The following EOGT variants were observed in gnomAD, a reference collection of about 807,000 sequenced individuals.
EOGT encodes the protein EGF domain-specific O-linked N-acetylglucosamine transferase.
In EOGT, 55 loss-of-function variants were observed where a neutral mutation model predicts 70.5. That is an observed-to-expected ratio of 0.78 (90% CI 0.63 to 0.98). The LOEUF is 0.98. EOGT is among the 50% of genes least tolerant of loss of function. EOGT has a pLI of 0.00. For missense variants in EOGT, 703 were observed against 641.9 expected, an observed-to-expected ratio of 1.10 and a Z score of -1.03; for synonymous variants, 246 against 217.1, an observed-to-expected ratio of 1.13 and a Z score of -1.17.
chr3:69,012,848 G>C (rs1326072234), intron 1 of EOGT, 49 bp from the exon 2 acceptor site: 2 of 152,464 alleles, frequency 1.3e-5, no homozygotes, highest in Non-Finnish European at 2.9e-5. Context: ...ATGGATAGGA[G>C]GCAAAACCTG....
chr3:68,988,903 A>T, intron 11 of EOGT, 22 bp downstream of exon 11: 1 of 1,345,748 alleles, frequency 7.4e-7, no homozygotes. Context: ...ATTCACAGAC[A>T]TTTCAGGAAA....
rs150999503 is a variant in EOGT at position 69,008,484 on chromosome 3, G to A, written c.255C>T (p.Ser85=). The A allele has an allele frequency of 1.9e-6, 3 of 1,613,938 alleles. No individual in the cohort carries two copies. The highest frequency in any genetic ancestry group is 1.1e-5 in the South Asian group (1 of 91,078). The change falls in exon 5 of 18, where the codon TCC becomes TCT. Residue 85 remains serine, a synonymous_variant. Transcript: ENST00000383701. ...KLKYCWGYEK[S]CKPEFRFGYP... ...AACCAAACCTGAACTCTGGTTTGCA[G>A]GATTTCTCATAACCCCAGCAGTACT... is the stretch of plus-strand genomic sequence containing the variant.
intron 10 of EOGT, 70 bp downstream of exon 10, chr3:68,997,941 C>T (rs2091195863): frequency 2.2e-6 from 2 of 925,822 alleles, no homozygotes; most frequent in Non-Finnish European, 3.3e-6. Flanking sequence ...AATTCTGTTT[C>T]ACAACATCAG....
At position 69,009,865 on chromosome 3, in the gene EOGT, A is replaced by T. The variant is rs768590471; in HGVS notation, c.-14-5T>A. 5.0e-6 allele frequency: 8 copies of T among 1,603,392 alleles called. No homozygotes were observed. Among genetic ancestry groups the T allele is most frequent in the Non-Finnish European group, 6.0e-6 (7 of 1,172,864 alleles). ...TTAACATAGCAACCTGCAAACCTAG[A>T]GATCAAAATGAAGACAACTTTGTTA... On this transcript the variant is annotated splice_polypyrimidine_tract_variant and splice_region_variant and intron_variant, in intron 3 of 17. Coordinates refer to ENST00000383701, the MANE Select transcript of EOGT (RefSeq NM_001278689.2).
At chr3:68,978,304 G>A in intron 17 of EOGT, 29 bp downstream of exon 17, 2 of 1,509,718 alleles carry the variant, frequency 1.3e-6, no homozygotes, top group Non-Finnish European at 1.8e-6. Context: ...TAAAAATGAA[G>A]CAAGGTAAGT....
rs536302903 is a variant in EOGT, at chr3:68,980,942, A to G, written c.1215-1155T>C. On this transcript the variant is annotated intron_variant, in intron 15 of 17. Coordinates refer to ENST00000383701, the MANE Select transcript of EOGT (RefSeq NM_001278689.2). ...ACAACATATCCTTAAAAGCCAGTCA[A>G]TGATACAGCCTCAGAGGTGCCCTGC... is the stretch of plus-strand genomic sequence containing the variant. Among the ~76,000 whole-genome samples the G allele has an allele frequency of 2.3e-4, 35 of 152,334 alleles. 1 individual carries two copies. The highest frequency in any genetic ancestry group is 4.7e-4 in the Non-Finnish European group (32 of 68,034).
At chr3:68,989,796 G>T (rs1460458191) in intron 10 of EOGT, among the ~76,000 whole-genome samples, 1 of 149,668 alleles carries the variant, frequency 6.7e-6, no homozygotes, top group African/African-American at 2.5e-5. Flanking sequence ...AAAAATATAG[G>T]CTGGTCACAG....
At chr3:69,005,306 C>CT in intron 6 of EOGT, 72 bp from the exon 7 acceptor site, 1 of 797,308 alleles carries the variant, frequency 1.3e-6, no homozygotes, top group Non-Finnish European at 2.1e-6. Context: ...ACTTGCTAGA[C>CT]ACACTGACAG....
At chr3:69,008,579 A>G in intron 4 of EOGT, 51 bp from the exon 5 acceptor site, 1 of 1,329,464 alleles carries the variant, frequency 7.5e-7, no homozygotes, top group Non-Finnish European at 1.1e-6. Context: ...TTTAGAGAAG[A>G]CTCTTAGATT....
At chr3:68,984,667 T>C (rs1338103217) in intron 14 of EOGT, among the ~76,000 whole-genome samples, 3 of 152,140 alleles carry the variant, frequency 2.0e-5, no homozygotes, top group African/African-American at 7.2e-5. Context: ...TGGGTGCTCT[T>C]TGGCTTGGAG....
At chr3:69,009,917 A>C in intron 3 of EOGT, 57 bp from the exon 4 acceptor site, 4 of 595,300 alleles carry the variant, frequency 6.7e-6, no homozygotes, top group East Asian at 2.9e-5. Flanking sequence ...AGCCAAAACA[A>C]CAACAACAAC....
chr3:68,978,478 G>GT, intron 16 of EOGT, 43 bp from the exon 17 acceptor site: 1 of 1,399,048 alleles, frequency 7.1e-7, no homozygotes, highest in Admixed American at 2.4e-5. Context: ...TTTGTCCAAG[G>GT]TTTTTTCCAA....
intron 15 of EOGT, among the ~76,000 whole-genome samples, chr3:68,981,270 G>A (rs753144203): frequency 1.3e-5 from 2 of 152,148 alleles, no homozygotes; most frequent in East Asian, 1.9e-4. Context: ...TATGCCATCC[G>A]CCATAATGGG....
chr3:69,013,454 C>T (rs559544992), intron 1 of EOGT, 120 bp downstream of exon 1: 1 of 152,428 alleles, frequency 6.6e-6, no homozygotes, highest in Non-Finnish European at 1.5e-5. Flanking sequence ...CGTGCGTAGG[C>T]TATAGCCCTC....
At chr3:69,012,436 C>T (rs1252484937) in intron 2 of EOGT, 79 bp downstream of exon 2, 2 of 152,316 alleles carry the variant, frequency 1.3e-5, no homozygotes, top group Non-Finnish European at 2.9e-5. Flanking sequence ...GTAATAAAGT[C>T]ATTGTTATGA....
At chr3:69,011,375 T>C (rs1045193583) in intron 3 of EOGT, among the ~76,000 whole-genome samples, 1 of 151,534 alleles carries the variant, frequency 6.6e-6, no homozygotes, top group Non-Finnish European at 1.5e-5. Flanking sequence ...CCTGTAATAG[T>C]AGCACTTTGG....
At chr3:69,001,820 G>T in intron 8 of EOGT, 106 bp from the exon 9 acceptor site, 1 of 724,260 alleles carries the variant, frequency 1.4e-6, no homozygotes, top group South Asian at 1.6e-5. Flanking sequence ...CCTCTAAATG[G>T]TACAGACACT....
chr3:68,989,748 CAAAAAAA>C (rs56000169), intron 10 of EOGT, among the ~76,000 whole-genome samples: 40 of 93,218 alleles, frequency 4.3e-4, no homozygotes, highest in Admixed American at 5.7e-4. Context: ...AACTCCATCT[CAAAAAAA>C]AAAAAAAAAA....
At chr3:68,986,138 C>A (rs1329626254) in intron 14 of EOGT, among the ~76,000 whole-genome samples, 1 of 152,122 alleles carries the variant, frequency 6.6e-6, no homozygotes, top group Non-Finnish European at 1.5e-5. Context: ...CTGTCCAGGC[C>A]GAGGCAAAAG....
Sources: allele counts gnomAD v4.1 joint callset (sites outside exome capture counted in the v4.1 genomes callset), GRCh38; gene constraint gnomAD v4.1.1; transcripts MANE v1.5; gene names NCBI Gene and HGNC (gene_info 2026-07-23, HGNC 2026-07-21).